Variants in CDH12 observed in about 807,000 individuals in gnomAD.
CDH12 encodes the protein cadherin-12.
CDH12 carries 41 observed loss-of-function variants against 74.1 expected under a neutral mutation model. That is an observed-to-expected ratio of 0.55 (90% CI 0.43 to 0.72). CDH12 has a LOEUF of 0.72. CDH12 is among the 30% of genes least tolerant of loss of function. The pLI is 0.00. For synonymous variants in CDH12, 399 were observed against 355.0 expected (o/e 1.12, Z -1.39); for missense variants, 945 against 977.2 (o/e 0.97, Z 0.44).
intron 3 of CDH12, among the ~76,000 whole-genome samples, chr5:22,354,021 C>G (rs941899455): frequency 2.6e-5 from 4 of 152,028 alleles, no homozygotes; most frequent in African/African-American, 4.8e-5. Flanking sequence ...TAATGAAGTC[C>G]CTTAGGAAGT....
intron 1 of CDH12, among the ~76,000 whole-genome samples, chr5:22,732,463 T>TACACAC (rs1158995154): frequency 2.9e-4 from 29 of 98,324 alleles, no homozygotes; most frequent in African/African-American, 1.1e-3. Context: ...TGTGTATATA[T>TACACAC]ATATATATAC....
At chr5:21,761,221 T>G (rs1263420709) in intron 12 of CDH12, among the ~76,000 whole-genome samples, 1 of 152,156 alleles carries the variant, frequency 6.6e-6, no homozygotes, top group African/African-American at 2.4e-5. Flanking sequence ...CAAAGAGTTT[T>G]TAATAAGCAC....
At chr5:22,677,766 G>T (rs1741275617) in intron 1 of CDH12, among the ~76,000 whole-genome samples, 1 of 152,020 alleles carries the variant, frequency 6.6e-6, no homozygotes, top group East Asian at 1.9e-4. Context: ...GCACATTATT[G>T]TTTGTCTTAG....
At chr5:22,100,049 A>ATC (rs1306903901) in intron 4 of CDH12, among the ~76,000 whole-genome samples, 1 of 152,076 alleles carries the variant, frequency 6.6e-6, no homozygotes, top group East Asian at 1.9e-4. Flanking sequence ...ATCGCCCATT[A>ATC]TCTCTCCATA....
intron 1 of CDH12, among the ~76,000 whole-genome samples, chr5:22,535,783 G>C (rs967964567): frequency 9.9e-5 from 15 of 152,118 alleles, no homozygotes; most frequent in African/African-American, 3.6e-4. Context: ...AGGCTTTAAG[G>C]TAACAACAGT....
chr5:22,603,161 G>T (rs1185873405), intron 1 of CDH12, among the ~76,000 whole-genome samples: 10 of 151,832 alleles, frequency 6.6e-5, no homozygotes, highest in Non-Finnish European at 1.2e-4. Flanking sequence ...CCCAGAAACA[G>T]GGCACAAGAA....
At chr5:21,923,698 C>A (rs544626797) in intron 6 of CDH12, among the ~76,000 whole-genome samples, 1 of 152,164 alleles carries the variant, frequency 6.6e-6, no homozygotes, top group Non-Finnish European at 1.5e-5. Context: ...CTTGATAATT[C>A]TATTATTTTT....
chr5:22,501,976 T>G (rs1736177076), intron 2 of CDH12, among the ~76,000 whole-genome samples: 1 of 152,136 alleles, frequency 6.6e-6, no homozygotes, highest in African/African-American at 2.4e-5. Context: ...GACTTGCTTT[T>G]TAAAAGGCAG....
At chr5:22,676,853 T>C (rs1194121127) in intron 1 of CDH12, among the ~76,000 whole-genome samples, 2 of 152,154 alleles carry the variant, frequency 1.3e-5, no homozygotes, top group East Asian at 3.9e-4. Flanking sequence ...ATTCTATTAG[T>C]AGTTAAGTGT....
intron 1 of CDH12, among the ~76,000 whole-genome samples, chr5:22,641,599 C>T (rs1739154778): frequency 6.6e-6 from 1 of 152,116 alleles, no homozygotes; most frequent in African/African-American, 2.4e-5. Flanking sequence ...ACCTGCTCTG[C>T]CCAAGCCACA....
chr5:22,205,209 C>T (rs1193457446), intron 4 of CDH12, among the ~76,000 whole-genome samples: 3 of 152,194 alleles, frequency 2.0e-5, no homozygotes, highest in Non-Finnish European at 2.9e-5. Flanking sequence ...TTGGAATATT[C>T]ACTCAATCTT....
At chr5:22,584,123 C>T (rs889011128) in intron 1 of CDH12, among the ~76,000 whole-genome samples, 8 of 122,996 alleles carry the variant, frequency 6.5e-5, no homozygotes, top group Admixed American at 2.0e-4. Flanking sequence ...ATTTTTGAGA[C>T]GGAGTCTTGC....
chr5:21,840,706 T>C (rs1749793056), intron 8 of CDH12, among the ~76,000 whole-genome samples: 1 of 151,906 alleles, frequency 6.6e-6, no homozygotes, highest in South Asian at 2.1e-4. Context: ...ACGCCGCATA[T>C]CTACAACTAT....
intron 1 of CDH12, among the ~76,000 whole-genome samples, chr5:22,744,323 G>A (rs11950465): frequency 0.31 from 46,525 of 151,748 alleles, 7,383 homozygotes; most frequent in Non-Finnish European, 0.36. Context: ...CAGCTACTCG[G>A]GAGGCTGAGG....
At chr5:21,921,127 C>T (rs13358491) in intron 6 of CDH12, among the ~76,000 whole-genome samples, 23,130 of 152,098 alleles carry the variant, frequency 0.15, 2,035 homozygotes, top group African/African-American at 0.23. Context: ...TTGTTGAGGA[C>T]TTTGTTCTTA....
intron 3 of CDH12, among the ~76,000 whole-genome samples, chr5:22,323,561 T>A (rs1339196609): frequency 1.3e-5 from 2 of 152,126 alleles, no homozygotes; most frequent in Non-Finnish European, 2.9e-5. Flanking sequence ...ATATCACACA[T>A]GGAAAATAAT....
chr5:22,491,622 C>CAAAAA (rs33936783), intron 2 of CDH12, among the ~76,000 whole-genome samples: 1 of 135,640 alleles, frequency 7.4e-6, no homozygotes, highest in African/African-American at 2.8e-5. Context: ...AAAAAAAAAA[C>CAAAAA]AAAAAAAAAA....
Position 21,900,701 on chromosome 5 carries a change from C to T in CDH12, c.527-45911G>A, listed in dbSNP as rs183693471. 1.8e-3 allele frequency among the ~76,000 whole-genome samples: 276 copies of T among 152,236 alleles called. 1 individual carries two copies. The highest frequency in any genetic ancestry group is 6.2e-3 in the African/African-American group (258 of 41,542). ...CATATTTCAATAACAAGTTTAAAAT[C>T]GGTCCCCGACTCCGCCAGCCAATGC... On this transcript the variant is annotated intron_variant, in intron 6 of 14. Coordinates refer to ENST00000382254, the MANE Select transcript of CDH12 (RefSeq NM_004061.5).
At chr5:22,215,891 T>G (rs1405504232) in intron 3 of CDH12, among the ~76,000 whole-genome samples, 1 of 152,130 alleles carries the variant, frequency 6.6e-6, no homozygotes, top group Non-Finnish European at 1.5e-5. Context: ...AGAAGTTTAA[T>G]GAAATAAATG....
Sources: gnomAD v4.1 joint callset for allele counts (sites outside exome capture counted in the v4.1 genomes callset) on GRCh38, gnomAD v4.1.1 for gene constraint, MANE v1.5 for transcripts, NCBI Gene and HGNC (gene_info 2026-07-23, HGNC 2026-07-21) for gene names.